Variants in PRKDC observed in about 807,000 individuals in gnomAD.
The protein encoded by PRKDC is protein kinase, DNA-activated, catalytic subunit.
PRKDC carries 82 observed loss-of-function variants against 486.9 expected under a neutral mutation model. That is an observed-to-expected ratio of 0.17 (90% CI 0.14 to 0.20). The LOEUF (loss-of-function observed/expected upper bound fraction) is 0.20. Ranked by LOEUF, PRKDC falls within the 10% of genes least tolerant of loss-of-function variation. The pLI is 1.00. For synonymous variants in PRKDC, 1,895 were observed against 1,837.0 expected, an observed-to-expected ratio of 1.03 and a Z score of -0.81; for missense variants, 4,504 against 5,038.2, an observed-to-expected ratio of 0.89 and a Z score of 3.21.
rs748146609 is a variant in PRKDC at position 47,936,438 on chromosome 8, G to A, written c.1193C>T (p.Thr398Ile). Residue 398 changes from threonine to isoleucine, a missense_variant, in exon 12 of 86, where the codon ACC becomes ATC. Coordinates refer to ENST00000314191, the MANE Select transcript of PRKDC (RefSeq NM_006904.7). ...LIQRCKQMFL[T>I]QTDTGDDRVY... ...ACGGTCGTCACCAGTGTCTGTCTGGGTGAGGAACATCTGCTTGCAGCGCTG... is the reference window on the plus strand; with the variant it reads ...ACGGTCGTCACCAGTGTCTGTCTGGATGAGGAACATCTGCTTGCAGCGCTG... 6.2e-7 allele frequency: 1 copy of A among 1,614,034 alleles called. No homozygotes were observed. Among genetic ancestry groups the A allele is most frequent in the Admixed American group, 1.7e-5 (1 of 60,022 alleles).
intron 43 of PRKDC, 104 bp from the exon 44 acceptor site, chr8:47,862,231 C>T (rs2088694661): frequency 2.2e-6 from 3 of 1,348,618 alleles, no homozygotes; most frequent in East Asian, 2.5e-5. Flanking sequence ...GAAAAGCACT[C>T]CAGCTTTAAA....
At chr8:47,778,958 G>A (rs2086653744) in intron 81 of PRKDC, 46 bp downstream of exon 81, 1 of 1,482,470 alleles carries the variant, frequency 6.7e-7, no homozygotes, top group African/African-American at 1.4e-5. Context: ...GCAATTTGCA[G>A]AAGAATGAAC....
intron 15 of PRKDC, 99 bp from the exon 16 acceptor site, chr8:47,933,271 T>C (rs2090288976): frequency 2.0e-6 from 2 of 991,538 alleles, no homozygotes; most frequent in Non-Finnish European, 2.8e-6. Context: ...TGTGCCGGTT[T>C]GGGTATTATG....
At chr8:47,935,095 A>G in intron 13 of PRKDC, 37 bp from the exon 14 acceptor site, 1 of 1,313,702 alleles carries the variant, frequency 7.6e-7, no homozygotes, top group Non-Finnish European at 1.0e-6. Flanking sequence ...TGAAGGAAAC[A>G]CTGAAAAACA....
chr8:47,870,820 C>A (rs886906513), intron 40 of PRKDC, among the ~76,000 whole-genome samples: 2 of 152,008 alleles, frequency 1.3e-5, no homozygotes, highest in Admixed American at 6.6e-5. Flanking sequence ...GGAAGGCCAA[C>A]AAAATTCAAC....
Position 47,929,842 on chromosome 8 carries a change from G to A in PRKDC, c.2052+11C>T, listed in dbSNP as rs769287265. 6.3e-7 allele frequency: 1 copy of A among 1,588,626 alleles called. No individual in the cohort carries two copies. Among genetic ancestry groups the A allele is most frequent in the Non-Finnish European group, 8.5e-7 (1 of 1,172,986 alleles). On this transcript the variant is annotated intron_variant, in intron 18 of 85. Transcript: ENST00000314191. ...AAACGCAAGATTCAACATCCTGCAAGAAAGACTCACCTCGAAATATTTTAT... is the reference window on the plus strand; with the variant it reads ...AAACGCAAGATTCAACATCCTGCAAAAAAGACTCACCTCGAAATATTTTAT...
At chr8:47,855,199 A>G (rs1278093013) in intron 50 of PRKDC, 23 bp downstream of exon 50, 2 of 1,556,860 alleles carry the variant, frequency 1.3e-6, no homozygotes, top group Non-Finnish European at 1.7e-6. Context: ...TCTAAACAAT[A>G]CTGCAAAAAC....
intron 72 of PRKDC, among the ~76,000 whole-genome samples, chr8:47,798,932 C>T (rs1236020585): frequency 6.6e-6 from 1 of 152,066 alleles, no homozygotes; most frequent in East Asian, 1.9e-4. Context: ...CCCCAGCCTC[C>T]TGAGTAGCTG....
At chr8:47,864,443 T>C in intron 41 of PRKDC, 113 bp downstream of exon 41, 2 of 944,164 alleles carry the variant, frequency 2.1e-6, no homozygotes, top group Non-Finnish European at 3.1e-6. Context: ...CAGACTGTTA[T>C]GTGGCACACT....
At chr8:47,927,690 AG>A in intron 20 of PRKDC, 80 bp downstream of exon 20, 3 of 1,398,950 alleles carry the variant, frequency 2.1e-6, no homozygotes, top group Non-Finnish European at 9.3e-7. Flanking sequence ...TGGGACTGCC[AG>A]GGCAAGAGGA....
At chr8:47,900,564 T>G (rs1218007925) in intron 27 of PRKDC, 97 bp from the exon 28 acceptor site, 6 of 1,210,358 alleles carry the variant, frequency 5.0e-6, no homozygotes, top group Non-Finnish European at 6.9e-6. Context: ...ACACATTAAT[T>G]AAATTTGTTT....
At chr8:47,897,556 T>C (rs1302252112) in intron 29 of PRKDC, among the ~76,000 whole-genome samples, 1 of 152,250 alleles carries the variant, frequency 6.6e-6, no homozygotes, top group Non-Finnish European at 1.5e-5. Context: ...GCACTAAGTA[T>C]TTTCATGTTT....
intron 25 of PRKDC, among the ~76,000 whole-genome samples, chr8:47,910,311 G>A (rs1434490511): frequency 2.0e-5 from 3 of 152,102 alleles, no homozygotes; most frequent in Admixed American, 6.5e-5. Flanking sequence ...CAGTGTAAAG[G>A]CCCACTGGAG....
chr8:47,885,872 A>T (rs1402507188), intron 36 of PRKDC, 72 bp downstream of exon 36: 2 of 1,465,634 alleles, frequency 1.4e-6, no homozygotes, highest in Non-Finnish European at 1.9e-6. Context: ...AGCCTGGGCG[A>T]AAGTGCAAGA....
At chr8:47,784,351 A>G in intron 77 of PRKDC, among the ~76,000 whole-genome samples, 1 of 152,334 alleles carries the variant, frequency 6.6e-6, no homozygotes, top group South Asian at 2.1e-4. Flanking sequence ...AGAAAAAATG[A>G]TGCATTGACT....
At chr8:47,825,239 CA>C (rs989025440) in intron 63 of PRKDC, among the ~76,000 whole-genome samples, 1 of 151,350 alleles carries the variant, frequency 6.6e-6, no homozygotes, top group African/African-American at 2.4e-5. Flanking sequence ...CATGACATAT[CA>C]AAAAAAAGGC....
intron 25 of PRKDC, among the ~76,000 whole-genome samples, chr8:47,908,852 GT>G (rs916479868): frequency 6.6e-6 from 1 of 152,094 alleles, no homozygotes; most frequent in Admixed American, 6.6e-5. Context: ...TTTATAGTTC[GT>G]TTTTCCTTCT....
At chr8:47,927,967 A>C in intron 19 of PRKDC, 77 bp from the exon 20 acceptor site, 1 of 1,257,712 alleles carries the variant, frequency 8.0e-7, no homozygotes, top group Non-Finnish European at 1.0e-6. Flanking sequence ...TATTTGCCCT[A>C]TTCTCAAATA....
At chr8:47,906,876 C>T (rs944361836) in intron 25 of PRKDC, among the ~76,000 whole-genome samples, 1 of 151,494 alleles carries the variant, frequency 6.6e-6, no homozygotes, top group Non-Finnish European at 1.5e-5. Flanking sequence ...AGAGACTCTT[C>T]CAAACAGTCT....
Sources: allele counts gnomAD v4.1 joint callset (sites outside exome capture counted in the v4.1 genomes callset), GRCh38; gene constraint gnomAD v4.1.1; transcripts MANE v1.5; gene names NCBI Gene and HGNC (gene_info 2026-07-23, HGNC 2026-07-21).